The following TTN variants were observed in gnomAD, a reference collection of about 807,000 sequenced individuals.
The protein encoded by TTN is connectin.
Under a neutral mutation model 3,223.0 loss-of-function variants are expected in TTN, and 1,525 were observed. The ratio of observed to expected loss-of-function variants is 0.47; its 90% CI spans 0.45 to 0.49. TTN has a LOEUF of 0.49. Among genes scored for constraint, TTN ranks in the 20% least tolerant of loss-of-function variants. The pLI, the probability that TTN is intolerant of heterozygous loss-of-function variation, is 0.00. For missense variants in TTN, 40,786 were observed against 43,424.0 expected (o/e 0.94, Z 5.40); for synonymous variants, 14,094 against 15,161.0 (o/e 0.93, Z 5.17).
In TTN at chr2:178,604,043, C is replaced by T. The variant is rs183010574; in HGVS notation, c.54644G>A (p.Arg18215His). ...TTTGGTTATTGGTGCTCGGCTAACA[C>T]GTGACCAATAAGGACTTCCCTCTTC... ...KREEGSPYWS[R>H]VSRAPITKVG... is the part of the protein sequence containing the mutation. The change falls in exon 282 of 363, where the codon CGT (arginine) becomes CAT (histidine). Residue 18215 changes from arginine to histidine, a missense_variant. Physicochemically the swap from Arg to His is conservative, Grantham distance 29 (BLOSUM62 0). Coordinates refer to ENST00000589042, the MANE Select transcript of TTN (RefSeq NM_001267550.2). 1.2e-5 allele frequency: 20 copies of T among 1,612,814 alleles called. No homozygotes were observed. Among genetic ancestry groups the T allele is most frequent in the South Asian group, 2.2e-5 (2 of 91,028 alleles).
intron 1 of TTN, among the ~76,000 whole-genome samples, chr2:178,805,994 G>A (rs2094301048): frequency 6.6e-6 from 1 of 152,080 alleles, no homozygotes; most frequent in Non-Finnish European, 1.5e-5. Context: ...TTCTGAAATA[G>A]AACATTTCTG....
Position 178,770,637 on chromosome 2 carries a change from T to A in TTN, c.8155A>T (p.Thr2719Ser). 6.2e-7 allele frequency: 1 copy of A among 1,613,932 alleles called. No homozygotes were observed. Among genetic ancestry groups the A allele is most frequent in the Non-Finnish European group, 8.5e-7 (1 of 1,180,000 alleles). The part of the protein sequence containing the change: ...IKKTLKNLTV[T>S]ETQDAVFTVE... ...GTGAAAACAGCATCCTGTGTTTCTG[T>A]CACTGTGAGGTTCTTCAGAGTCTTC... Residue 2719 changes from threonine to serine, a missense_variant, in exon 35 of 363, where the codon ACA (threonine) becomes TCA (serine). By Grantham distance (58) the Thr-to-Ser change is moderately conservative (BLOSUM62 1). Coordinates refer to ENST00000589042, the MANE Select transcript of TTN (RefSeq NM_001267550.2).
chr2:178,775,416 T>C lies in TTN; in HGVS notation c.6448A>G (p.Met2150Val). ...CCAGCTATGTTGATGGCTTTTACCA[T>C]GATGCTGGCAGAGTCCTCAGCAGTC... Reference protein sequence around the residue: ...DVTAEDSASIMVKAINIAGET... With the variant: ...DVTAEDSASIVVKAINIAGET... The change falls in exon 28 of 363, where the codon ATG becomes GTG. Residue 2150 changes from methionine (M) to valine (V), a missense_variant. By Grantham distance (21) the Met-to-Val change is conservative. Coordinates refer to ENST00000589042, the MANE Select transcript of TTN (RefSeq NM_001267550.2). 1.9e-6 allele frequency: 3 copies of C among 1,614,108 alleles called. No individual in the cohort carries two copies. Among genetic ancestry groups the C allele is most frequent in the Non-Finnish European group, 2.5e-6 (3 of 1,180,018 alleles).
chr2:178,626,105 A>G (rs964399341), intron 240 of TTN, among the ~76,000 whole-genome samples: 15 of 152,018 alleles, frequency 9.9e-5, no homozygotes, highest in African/African-American at 3.4e-4. Flanking sequence ...AGGATGAAAG[A>G]AAATATCAGC....
rs745380159 is a variant in TTN, at chr2:178,599,326, C to T, written c.56467G>A (p.Glu18823Lys). ...GGSKITNYVI[E>K]KREANRKTWV... is the part of the protein sequence containing the mutation. ...GTCTTCCTGTTAGCTTCTCTTTTCT[C>T]AATTACATAGTTTGTAATCTTAGAC... The change falls in exon 290 of 363, where the codon GAG becomes AAG. Residue 18823 changes from glutamate to lysine, a missense_variant. Glu to Lys is a moderately conservative substitution (Grantham distance 56). Transcript: ENST00000589042. 5.0e-6 allele frequency: 8 copies of T among 1,610,090 alleles called. No individual in the cohort carries two copies. The highest frequency in any genetic ancestry group is 3.3e-4 in the Middle Eastern group (2 of 6,060).
chr2:178,615,014 G>A lies in TTN; in HGVS notation c.48639-46C>T, dbSNP rs16866416. ...ATGTTTTACTGTGATGTCGATAATC[G>A]TTTCATTGTGTAGTACTCATAATCT... On this transcript the variant is annotated intron_variant, in intron 259 of 362. Coordinates refer to ENST00000589042, the MANE Select transcript of TTN (RefSeq NM_001267550.2). 60,335 of 1,498,040 alleles carry A rather than the reference G, an allele frequency of 0.04. 2,830 individuals carry two copies. The highest frequency in any genetic ancestry group is 0.17 in the Admixed American group (8,997 of 52,826). 92.8% of individuals were successfully genotyped at this position (1,498,040 alleles called of 1,614,324 possible). A position where few individuals can be genotyped will look rare whatever the true frequency, so the allele number is the denominator to read the frequency against.
At chr2:178,720,772 T>G in intron 79 of TTN, 109 bp from the exon 80 acceptor site, 1 of 1,371,194 alleles carries the variant, frequency 7.3e-7, no homozygotes, top group South Asian at 1.6e-5. Context: ...TGACAATACA[T>G]GCTGACACAA....
At position 178,683,968 on chromosome 2, in the gene TTN, ATTTTTT is replaced by A. The variant is rs372078760; in HGVS notation, c.32806+25_32806+30del. 20 of 1,259,788 alleles carry A rather than the reference ATTTTTT, an allele frequency of 1.6e-5. 1 individual carries two copies. The highest frequency in any genetic ancestry group is 2.1e-4 in the Middle Eastern group (1 of 4,724). The allele number at this position is 1,259,788 out of a possible 1,614,324, so 78.0% of individuals were successfully genotyped here. A position where few individuals can be genotyped will look rare whatever the true frequency, so the allele number is the denominator to read the frequency against. ...TTTTAGTGTCTGGATGCTTATTTTG[ATTTTTT>A]TTTTTTTTTTAAGAGTCAGTATACC... On this transcript the variant is annotated intron_variant, in intron 133 of 362. Coordinates refer to ENST00000589042, the MANE Select transcript of TTN (RefSeq NM_001267550.2).
chr2:178,540,224 T>G lies in TTN; in HGVS notation c.97942A>C (p.Thr32648Pro), dbSNP rs762198397. Residue 32648 changes from threonine to proline, a missense_variant, in exon 351 of 363, where the codon ACC (threonine) becomes CCC (proline). Physicochemically the swap from Thr to Pro is conservative, Grantham distance 38. Transcript: ENST00000589042. Reference sequence around the variant, plus strand: ...TTGGTTGGAGTGGTGTTACACTTGGTCCATTCATGTTGATCTACTTTTTGC... The same window carrying G: ...TTGGTTGGAGTGGTGTTACACTTGGGCCATTCATGTTGATCTACTTTTTGC... ...EMQKVDQHEW[T>P]KCNTTPTKIR... The G allele has an allele frequency of 6.2e-7, 1 of 1,613,784 alleles. No homozygotes were observed. Among genetic ancestry groups the G allele is most frequent in the Non-Finnish European group, 8.5e-7 (1 of 1,179,772 alleles).
intron 47 of TTN, chr2:178,748,641 C>A (rs149720053): frequency 1.9e-6 from 3 of 1,612,980 alleles, no homozygotes; most frequent in South Asian, 2.2e-5. Flanking sequence ...AATTTCACAT[C>A]TGTGTGTTTT....
chr2:178,788,311 C>T (rs764737961), intron 13 of TTN, among the ~76,000 whole-genome samples: 1 of 152,036 alleles, frequency 6.6e-6, no homozygotes, highest in Admixed American at 6.6e-5. Context: ...ATTTTCTCAG[C>T]TTCCATCCTT....
intron 294 of TTN, among the ~76,000 whole-genome samples, chr2:178,596,437 G>T (rs1183661296): frequency 6.6e-6 from 1 of 152,056 alleles, no homozygotes; most frequent in Non-Finnish European, 1.5e-5. Flanking sequence ...AGGGATACAA[G>T]AGATGGGTAA....
intron 349 of TTN, 90 bp from the exon 350 acceptor site, chr2:178,541,674 G>T: frequency 7.9e-7 from 1 of 1,272,088 alleles, no homozygotes; most frequent in Non-Finnish European, 1.0e-6. Flanking sequence ...GGTTTTGGTT[G>T]GTATTTTAAA....
rs746778073 is a variant in TTN at position 178,539,977 on chromosome 2, A to G, written c.98099-11T>C. On this transcript the variant is annotated splice_polypyrimidine_tract_variant and intron_variant, in intron 351 of 362. Transcript: ENST00000589042. ...CATAATCAGGATATTCTGGAAAAAA[A>G]GGTAGGGTTTCAATTTAGCATTTGG... 6.2e-7 allele frequency: 1 copy of G among 1,609,626 alleles called. No individual in the cohort carries two copies. Among genetic ancestry groups the G allele is most frequent in the Non-Finnish European group, 8.5e-7 (1 of 1,176,766 alleles).
chr2:178,785,611 A>T lies in TTN; in HGVS notation c.2493+9T>A, dbSNP rs1175707409. The T allele has an allele frequency of 6.2e-7, 1 of 1,614,000 alleles. No homozygotes were observed. Among genetic ancestry groups the T allele is most frequent in the South Asian group, 1.1e-5 (1 of 91,074 alleles). On this transcript the variant is annotated intron_variant, in intron 15 of 362. Coordinates refer to ENST00000589042, the MANE Select transcript of TTN (RefSeq NM_001267550.2). ...AAACATTTCTGTATCATGCTCTGTAACTTCTTACCTCATATCCATGTTCTG... is the reference window on the plus strand; with the variant it reads ...AAACATTTCTGTATCATGCTCTGTATCTTCTTACCTCATATCCATGTTCTG...
intron 228 of TTN, 84 bp downstream of exon 228, chr2:178,635,081 G>A: frequency 6.4e-7 from 1 of 1,560,052 alleles, no homozygotes; most frequent in Non-Finnish European, 8.7e-7. Flanking sequence ...TATTATTAAA[G>A]CAACCCGAAT....
intron 24 of TTN, chr2:178,778,248 T>C (rs2092435532): frequency 6.8e-6 from 3 of 442,178 alleles, no homozygotes; most frequent in African/African-American, 2.0e-5. Flanking sequence ...AATACTCTCT[T>C]TTCCTTACCA....
chr2:178,806,911 A>T (rs1437910372), intron 1 of TTN, among the ~76,000 whole-genome samples: 5 of 152,264 alleles, frequency 3.3e-5, no homozygotes. Context: ...GAGAGTCTAG[A>T]AAAGAAGTAA....
intron 240 of TTN, 48 bp from the exon 241 acceptor site, chr2:178,625,444 G>A (rs2154215734): frequency 1.4e-6 from 2 of 1,480,004 alleles, no homozygotes; most frequent in Non-Finnish European, 1.8e-6. Flanking sequence ...TCTAGTATAT[G>A]GGTGCATTTA....
Sources: gnomAD v4.1 joint callset for allele counts (sites outside exome capture counted in the v4.1 genomes callset) on GRCh38, gnomAD v4.1.1 for gene constraint, MANE v1.5 for transcripts, NCBI Gene and HGNC (gene_info 2026-07-23, HGNC 2026-07-21) for gene names.